Variants in CACNA1C observed in about 807,000 individuals in gnomAD.
The protein encoded by CACNA1C is calcium voltage-gated channel subunit alpha1 C.
Under a neutral mutation model 229.0 loss-of-function variants are expected in CACNA1C, and 30 were observed. That is an observed-to-expected ratio of 0.13 (90% CI 0.10 to 0.18). CACNA1C has a LOEUF of 0.18. Ranked by LOEUF, CACNA1C falls within the 10% of genes least tolerant of loss-of-function variation. The probability of loss-of-function intolerance (pLI) is 1.00; values close to 1 mark genes in which losing one functional copy is unlikely to be tolerated. For missense variants in CACNA1C, 1,658 were observed against 2,845.0 expected (o/e 0.58, Z 9.49); for synonymous variants, 1,114 against 1,132.5 (o/e 0.98, Z 0.33).
intron 5 of CACNA1C, among the ~76,000 whole-genome samples, chr12:2,478,208 C>T (rs193002693): frequency 1.3e-5 from 2 of 152,298 alleles, no homozygotes; most frequent in South Asian, 2.1e-4. Context: ...TCTCCCTCTC[C>T]TCTATGCTTC....
intron 3 of CACNA1C, among the ~76,000 whole-genome samples, chr12:2,234,652 A>C (rs1215681326): frequency 6.6e-6 from 1 of 152,038 alleles, no homozygotes; most frequent in Non-Finnish European, 1.5e-5. Context: ...TTTTCACAAA[A>C]ATTTTCTGTG....
Position 2,504,420 on chromosome 12 carries a change from T to A in CACNA1C, c.1114-422T>A. The A allele has an allele frequency of 6.8e-7, 1 of 1,475,280 alleles. No homozygotes were observed. The highest frequency in any genetic ancestry group is 9.5e-7 in the Non-Finnish European group (1 of 1,054,026). The allele number at this position is 1,475,280 out of a possible 1,614,324, so 91.4% of individuals were successfully genotyped here. On this transcript the variant is annotated intron_variant, in intron 7 of 46. Coordinates refer to ENST00000399655, the MANE Select transcript of CACNA1C (RefSeq NM_000719.7). The surrounding 1 kb of genome is among the most constrained non-coding windows in gnomAD (Gnocchi z 6.8). ...AATTCTGCTTCTTCTTTCCTAACTTTCCTTCGTCTTTCCAGATGCAGGACG... is the reference window on the plus strand; with the variant it reads ...AATTCTGCTTCTTCTTTCCTAACTTACCTTCGTCTTTCCAGATGCAGGACG...
chr12:2,048,115 A>G (rs1329750316), upstream of CACNA1C, among the ~76,000 whole-genome samples: 3 of 152,216 alleles, frequency 2.0e-5, no homozygotes, highest in African/African-American at 7.2e-5. Flanking sequence ...CAATGAGCGC[A>G]TGCTGCTGCT....
At chr12:2,098,689 C>T (rs1044792225) in intron 1 of CACNA1C, among the ~76,000 whole-genome samples, 1 of 152,218 alleles carries the variant, frequency 6.6e-6, no homozygotes, top group African/African-American at 2.4e-5. Context: ...GGTTGCTTAA[C>T]ATGGAAAATG....
At chr12:2,314,624 GAATCATGTTCATGA>G (rs1237092346) in intron 3 of CACNA1C, among the ~76,000 whole-genome samples, 2 of 152,168 alleles carry the variant, frequency 1.3e-5, no homozygotes, top group African/African-American at 4.8e-5. Context: ...TCTTGACTCA[GAATCATGTTCATGA>G]GATTCATCCA....
At chr12:2,351,137 T>C (rs946007977) in intron 3 of CACNA1C, among the ~76,000 whole-genome samples, 72 of 152,308 alleles carry the variant, frequency 4.7e-4, no homozygotes, top group Non-Finnish European at 9.7e-4. Context: ...GATAATTCTT[T>C]CTTGTCTGGG....
Position 2,606,639 on chromosome 12 carries a change from C to T in CACNA1C, c.3185C>T (p.Ser1062Phe), listed in dbSNP as rs1197024641. ...KGKLYTCSDSSKQTEAECKGN... is the reference protein window; with the variant it reads ...KGKLYTCSDSFKQTEAECKGN... ...AAGCTGTACACCTGTTCAGACAGTT[C>T]CAAGCAGACAGAGGCGGAATGCAAG... Residue 1062 changes from serine (S) to phenylalanine (F), a missense_variant, in exon 25 of 47, where the codon TCC (serine) becomes TTC (phenylalanine). Coordinates refer to ENST00000399655, the MANE Select transcript of CACNA1C (RefSeq NM_000719.7). 4 of 1,609,110 alleles carry T rather than the reference C, an allele frequency of 2.5e-6. No homozygotes were observed. The Admixed American group carries it at 6.7e-5, about 27-fold the overall frequency.
At chr12:1,976,665 T>C (rs1167014135) in intron 1 of CACNA1C, among the ~76,000 whole-genome samples, 1 of 152,188 alleles carries the variant, frequency 6.6e-6, no homozygotes, top group Non-Finnish European at 1.5e-5. Flanking sequence ...AGCCATATAG[T>C]TACTTTAAAT....
intron 1 of CACNA1C, among the ~76,000 whole-genome samples, chr12:2,068,102 T>A (rs1294087545): frequency 6.6e-6 from 1 of 152,250 alleles, no homozygotes; most frequent in Admixed American, 6.5e-5. Flanking sequence ...ACTTGAGCTT[T>A]ACAATGCCTT....
In CACNA1C at chr12:2,556,655, C is replaced by G. The variant is rs140903845; in HGVS notation, c.1482-296C>G. 0.03 allele frequency among the ~76,000 whole-genome samples: 4,602 copies of G among 152,302 alleles called. 103 individuals are homozygous for G. The highest frequency in any genetic ancestry group is 0.046 in the Non-Finnish European group (3,144 of 68,018). ...CTGCAGCTTGTCTCAAGATACAGCT[C>G]TTCCTAACCTGACCTCATAGAAGTT... On this transcript the variant is annotated intron_variant, in intron 10 of 46. Transcript: ENST00000399655.
At chr12:2,442,154 T>C (rs1350546744) in intron 3 of CACNA1C, among the ~76,000 whole-genome samples, 1 of 152,182 alleles carries the variant, frequency 6.6e-6, no homozygotes, top group Non-Finnish European at 1.5e-5. Flanking sequence ...TCTTGAGTCT[T>C]TGTCCTCAAG....
intron 18 of CACNA1C, among the ~76,000 whole-genome samples, chr12:2,589,549 C>T (rs1390808123): frequency 6.6e-6 from 1 of 152,168 alleles, no homozygotes; most frequent in Non-Finnish European, 1.5e-5. Flanking sequence ...TGCCCTGAGG[C>T]GAGAGGCCGG....
intron 5 of CACNA1C, among the ~76,000 whole-genome samples, chr12:2,470,424 A>G (rs2099584883): frequency 6.6e-6 from 1 of 152,178 alleles, no homozygotes; most frequent in Non-Finnish European, 1.5e-5. Flanking sequence ...ATGAGGGGGG[A>G]ATGAAATGAA....
At chr12:2,409,940 G>GGGGGGGCA in intron 3 of CACNA1C, among the ~76,000 whole-genome samples, 1 of 152,242 alleles carries the variant, frequency 6.6e-6, no homozygotes, top group Non-Finnish European at 1.5e-5. Context: ...AGGAGAGGAA[G>GGGGGGGCA]GGAGAGCACA....
chr12:2,535,240 T>G (rs565126922), intron 9 of CACNA1C, among the ~76,000 whole-genome samples: 2 of 151,060 alleles, frequency 1.3e-5, no homozygotes, highest in African/African-American at 4.9e-5. Context: ...ATACAAAAAA[T>G]TAGCCAGGCA....
Position 2,494,244 on chromosome 12 carries a change from T to C in CACNA1C, c.1113+858T>C, listed in dbSNP as rs2099742245. On this transcript the variant is annotated intron_variant, in intron 7 of 46. Coordinates refer to ENST00000399655, the MANE Select transcript of CACNA1C (RefSeq NM_000719.7). ...TTTATTACCCAGTAGCCAACACTAC[T>C]TTGCTGCGCTTTGAGCCTCTGAAGT... is the stretch of plus-strand genomic sequence containing the variant. 2.6e-5 allele frequency among the ~76,000 whole-genome samples: 4 copies of C among 152,214 alleles called. No individual in the cohort carries two copies. In the South Asian group the frequency reaches 8.3e-4, roughly 32 times the overall value.
At chr12:2,329,368 T>C (rs1461135275) in intron 3 of CACNA1C, among the ~76,000 whole-genome samples, 1 of 152,248 alleles carries the variant, frequency 6.6e-6, no homozygotes, top group Non-Finnish European at 1.5e-5. Flanking sequence ...GTCTTGACAT[T>C]ACCTAGCTGT....
At chr12:2,295,085 C>T (rs2093912659) in intron 3 of CACNA1C, among the ~76,000 whole-genome samples, 1 of 152,212 alleles carries the variant, frequency 6.6e-6, no homozygotes. Flanking sequence ...TCCCTGCCTA[C>T]AGCCGCCCAC....
At position 2,303,536 on chromosome 12, in the gene CACNA1C, G is replaced by A. The variant is rs189308180; in HGVS notation, c.478-145440G>A. On this transcript the variant is annotated intron_variant, in intron 3 of 46. Transcript: ENST00000399655. ...CCCCAGCACTTTTGGAGGCTGAGAT[G>A]GGAGGATCACTTGAGACCAGGAGTT... Among the ~76,000 whole-genome samples, 120 of 152,240 alleles carry A rather than the reference G, an allele frequency of 7.9e-4. 1 individual carries two copies. The highest frequency in any genetic ancestry group is 2.9e-3 in the African/African-American group (119 of 41,534).
Sources: gnomAD v4.1 joint callset for allele counts (sites outside exome capture counted in the v4.1 genomes callset) on GRCh38, gnomAD v4.1.1 for gene constraint, Gnocchi (gnomAD v3.1) non-coding constraint, MANE v1.5 for transcripts, NCBI Gene and HGNC (gene_info 2026-07-23, HGNC 2026-07-21) for gene names.